CD44: variants seen among roughly 807,000 people sequenced by gnomAD.
CD44 encodes the protein CD44 antigen.
CD44 carries 49 observed loss-of-function variants against 88.8 expected under a neutral mutation model. That is an observed-to-expected ratio of 0.55 (90% confidence interval 0.44 to 0.70). The LOEUF is 0.70. Ranked by LOEUF, CD44 falls within the 30% of genes least tolerant of loss-of-function variation. CD44 has a pLI of 0.00. For missense variants in CD44, 883 were observed against 913.8 expected (o/e 0.97, Z 0.43); for synonymous variants, 325 against 312.3 (o/e 1.04, Z -0.43).
In CD44 at chr11:35,231,011, A is replaced by G. The variant is rs1950033296; in HGVS notation, c.*1678A>G. 6.5e-6 allele frequency: 1 copy of G among 153,896 alleles called. No individual in the cohort carries two copies. Among genetic ancestry groups the G allele is most frequent in the Non-Finnish European group, 1.5e-5 (1 of 68,740 alleles). 9.5% of individuals were successfully genotyped at this position (153,896 alleles called of 1,614,324 possible). ...AGAGTTGATCTGTAGAATATCTTTAAAGGAGAGATGTCAACTTTCTGCACT... is the reference window on the plus strand; with the variant it reads ...AGAGTTGATCTGTAGAATATCTTTAGAGGAGAGATGTCAACTTTCTGCACT... On this transcript the variant is annotated 3_prime_UTR_variant, in exon 18 of 18. Transcript: ENST00000428726.
chr11:35,213,426 G>A (rs968735697), intron 14 of CD44, among the ~76,000 whole-genome samples: 37 of 152,096 alleles, frequency 2.4e-4, no homozygotes, highest in South Asian at 2.1e-4. Context: ...TGAAGCAAGC[G>A]GATCACTTGA....
In CD44 at chr11:35,229,716, G is replaced by A. The variant is rs1949967981; in HGVS notation, c.*383G>A. The A allele has an allele frequency of 5.1e-6, 1 of 196,136 alleles. No homozygotes were observed. The highest frequency in any genetic ancestry group is 2.3e-5 in the African/African-American group (1 of 42,660). The allele number at this position is 196,136 out of a possible 1,614,324, so 12.1% of individuals were successfully genotyped here. A position where few individuals can be genotyped will look rare whatever the true frequency, so the allele number is the denominator to read the frequency against. The stretch of plus-strand genomic sequence containing the variant: ...AGGGTTAATAGGGCCTGGTCCCTGG[G>A]AGGAAATTTGAATGGGTCCATTTTG... On this transcript the variant is annotated 3_prime_UTR_variant, in exon 18 of 18. Coordinates refer to ENST00000428726, the MANE Select transcript of CD44 (RefSeq NM_000610.4).
Position 35,202,496 on chromosome 11 carries a change from G to A in CD44, c.1153+709G>A, listed in dbSNP as rs1255543666. 7.9e-5 allele frequency among the ~76,000 whole-genome samples: 12 copies of A among 152,190 alleles called. No individual in the cohort carries two copies. The East Asian group carries it at 1.7e-3, about 22-fold the overall frequency. On this transcript the variant is annotated intron_variant, in intron 9 of 17. Coordinates refer to ENST00000428726, the MANE Select transcript of CD44 (RefSeq NM_000610.4). ...GTGCTTTTCTTCTTTTATCTATCCC[G>A]CTGAGATATGTCTATCTTATTTGGA...
chr11:35,156,543 C>T (rs918068011), intron 1 of CD44, among the ~76,000 whole-genome samples: 1 of 152,180 alleles, frequency 6.6e-6, no homozygotes, highest in Non-Finnish European at 1.5e-5. Flanking sequence ...ATTTCCTGAT[C>T]ATGAGCCTTG....
Position 35,231,149 on chromosome 11 carries a change from C to A in CD44, c.*1816C>A, listed in dbSNP as rs769298009. Reference sequence around the variant, plus strand: ...CTTCTGTGAACATCATTGGCCAGATCCATTTTCAGTGGTCTGGATTTCTTT... The same window carrying A: ...CTTCTGTGAACATCATTGGCCAGATACATTTTCAGTGGTCTGGATTTCTTT... On this transcript the variant is annotated 3_prime_UTR_variant, in exon 18 of 18. Transcript: ENST00000428726. The A allele has an allele frequency of 6.6e-6, 1 of 152,656 alleles. No homozygotes were observed. The highest frequency in any genetic ancestry group is 1.5e-5 in the Non-Finnish European group (1 of 68,050). The allele number at this position is 152,656 out of a possible 1,614,324, so 9.5% of individuals were successfully genotyped here. A position where few individuals can be genotyped will look rare whatever the true frequency, so the allele number is the denominator to read the frequency against.
intron 1 of CD44, among the ~76,000 whole-genome samples, chr11:35,146,721 A>G (rs980646850): frequency 6.6e-6 from 1 of 152,216 alleles, no homozygotes; most frequent in East Asian, 1.9e-4. Flanking sequence ...CTTTGTCACT[A>G]TGTTAGAGTG....
At chr11:35,206,277 T>A in intron 11 of CD44, 34 bp downstream of exon 11, 3 of 1,565,442 alleles carry the variant, frequency 1.9e-6, no homozygotes, top group Non-Finnish European at 2.6e-6. Flanking sequence ...ATATTATGTT[T>A]TTTGAAATCC....
chr11:35,181,066 A>G (rs1043088504), intron 3 of CD44, among the ~76,000 whole-genome samples: 1 of 152,162 alleles, frequency 6.6e-6, no homozygotes, highest in African/African-American at 2.4e-5. Flanking sequence ...TCTCAGTGTG[A>G]TGGGAAGTCA....
intron 17 of CD44, among the ~76,000 whole-genome samples, chr11:35,225,801 A>T (rs2134429120): frequency 6.6e-6 from 1 of 152,296 alleles, no homozygotes; most frequent in East Asian, 1.9e-4. Context: ...TGGTTGATGA[A>T]GTGAGACTTT....
At chr11:35,181,934 A>ATAGAATATATAT (rs1491126504) in intron 3 of CD44, among the ~76,000 whole-genome samples, 2 of 66,050 alleles carry the variant, frequency 3.0e-5, no homozygotes, top group Non-Finnish European at 5.6e-5. Context: ...TATTATATAT[A>ATAGAATATATAT]AATTATATAT....
At chr11:35,209,162 T>C (rs1417779447) in intron 12 of CD44, among the ~76,000 whole-genome samples, 1 of 152,120 alleles carries the variant, frequency 6.6e-6, no homozygotes, top group Non-Finnish European at 1.5e-5. Context: ...GGCTTATGGG[T>C]GTGCTTTATG....
At chr11:35,159,163 C>T (rs142546884) in intron 1 of CD44, among the ~76,000 whole-genome samples, 6 of 152,338 alleles carry the variant, frequency 3.9e-5, no homozygotes, top group African/African-American at 1.2e-4. Context: ...CTTGGAATTT[C>T]TTGGTTGCCA....
intron 7 of CD44, chr11:35,198,577 G>A (rs1157907659): frequency 4.8e-6 from 1 of 210,050 alleles, no homozygotes. Flanking sequence ...TACTTACTGT[G>A]CTAGGTGCTG....
chr11:35,171,118 C>T (rs551338929), intron 1 of CD44, among the ~76,000 whole-genome samples: 9 of 152,316 alleles, frequency 5.9e-5, no homozygotes, highest in African/African-American at 2.2e-4. Context: ...ACTGCTCTTG[C>T]TGTTGGCATT....
Position 35,222,693 on chromosome 11 carries a change from T to G in CD44, c.2024+961T>G, listed in dbSNP as rs895360726. The G allele has an allele frequency of 6.5e-6, 6 of 924,442 alleles. No individual in the cohort carries two copies. In the African/African-American group the frequency reaches 1.1e-4, roughly 17 times the overall value. 57.3% of individuals were successfully genotyped at this position (924,442 alleles called of 1,614,324 possible). On this transcript the variant is annotated intron_variant, in intron 17 of 17. Transcript: ENST00000428726. ...CTTTAACAGGGGTATAAATCTAAAT[T>G]TATAAAAGTATAAATCTAAATTTCT...
intron 10 of CD44, 161 bp downstream of exon 10, chr11:35,204,801 G>A (rs1947670784): frequency 1.6e-6 from 1 of 623,352 alleles, no homozygotes; most frequent in Non-Finnish European, 2.7e-6. Context: ...AACCTTAAAG[G>A]CTCATAACAA....
chr11:35,172,125 C>G (rs970224247), intron 1 of CD44, among the ~76,000 whole-genome samples: 1 of 152,024 alleles, frequency 6.6e-6, no homozygotes, highest in Non-Finnish European at 1.5e-5. Context: ...TCTCAGACAA[C>G]GGCTGCCATG....
At chr11:35,193,909 T>A (rs1353615013) in intron 5 of CD44, among the ~76,000 whole-genome samples, 2 of 152,210 alleles carry the variant, frequency 1.3e-5, no homozygotes, top group Non-Finnish European at 2.9e-5. Context: ...AAGTTCCTGC[T>A]CAAGTATGAA....
chr11:35,159,472 C>CA (rs1942319916), intron 1 of CD44, among the ~76,000 whole-genome samples: 1 of 152,036 alleles, frequency 6.6e-6, no homozygotes, highest in Non-Finnish European at 1.5e-5. Flanking sequence ...TTTCATGGTG[C>CA]AAACACATCA....
Sources: allele counts gnomAD v4.1 joint callset (sites outside exome capture counted in the v4.1 genomes callset), GRCh38; gene constraint gnomAD v4.1.1; transcripts MANE v1.5; gene names NCBI Gene and HGNC (gene_info 2026-07-23, HGNC 2026-07-21).